The following SECISBP2 variants were observed in gnomAD, a reference collection of about 807,000 sequenced individuals.
SECISBP2 encodes SECIS binding protein 2, also known as selenocysteine insertion sequence-binding protein 2.
SECISBP2 carries 96 observed loss-of-function variants against 98.2 expected under a neutral mutation model. That is an observed-to-expected ratio of 0.98 (90% CI 0.83 to 1.16). The LOEUF (loss-of-function observed/expected upper bound fraction) is 1.16, where lower values mean the gene tolerates loss of function less well. Ranked by LOEUF, SECISBP2 falls within the 50% of genes most tolerant of loss-of-function variation. The pLI is 0.00. For missense variants in SECISBP2, 1,046 were observed against 1,022.9 expected, an observed-to-expected ratio of 1.02 and a Z score of -0.31; for synonymous variants, 407 against 370.2, an observed-to-expected ratio of 1.10 and a Z score of -1.14.
chr9:89,338,243 T>C (rs115686082), intron 7 of SECISBP2, among the ~76,000 whole-genome samples: 105 of 152,318 alleles, frequency 6.9e-4, no homozygotes, highest in African/African-American at 2.4e-3. Flanking sequence ...TCAAAAGGAA[T>C]TGGGCATTAC....
At chr9:89,353,431 TGC>T (rs1831587980) in intron 14 of SECISBP2, among the ~76,000 whole-genome samples, 1 of 152,172 alleles carries the variant, frequency 6.6e-6, no homozygotes, top group Non-Finnish European at 1.5e-5. Flanking sequence ...AGATGTGTGG[TGC>T]GTCATGTCCT....
At chr9:89,363,701 A>T (rs1244827666), downstream of SECISBP2, 1 of 1,598,624 alleles carries the variant, frequency 6.3e-7, no homozygotes, top group African/African-American at 1.3e-5. Context: ...GTGAAAAATT[A>T]CCTCATAAAA....
intron 5 of SECISBP2, among the ~76,000 whole-genome samples, chr9:89,331,084 T>C (rs117273292): frequency 0.019 from 2,861 of 152,300 alleles, 43 homozygotes; most frequent in Non-Finnish European, 0.029. Context: ...ACAAAAAATA[T>C]ATATATTTGT....
intron 14 of SECISBP2, among the ~76,000 whole-genome samples, chr9:89,354,316 A>G (rs1188990063): frequency 2.0e-5 from 3 of 152,244 alleles, no homozygotes; most frequent in Non-Finnish European, 2.9e-5. Context: ...GTGACTTACT[A>G]CAGTGAAAAG....
chr9:89,336,108 T>TTTTTTTTC (rs1554720204), intron 7 of SECISBP2, among the ~76,000 whole-genome samples: 1 of 133,570 alleles, frequency 7.5e-6, no homozygotes, highest in African/African-American at 2.7e-5. Flanking sequence ...TTTTTTTTTT[T>TTTTTTTTC]CACTGCAGCT....
intron 4 of SECISBP2, among the ~76,000 whole-genome samples, chr9:89,327,022 C>T (rs934213357): frequency 1.2e-4 from 18 of 151,996 alleles, no homozygotes; most frequent in African/African-American, 4.1e-4. Context: ...ATTAGCCTGG[C>T]GTGGTGGCGG....
chr9:89,345,613 G>A (rs1224785624), intron 10 of SECISBP2, among the ~76,000 whole-genome samples: 1 of 152,192 alleles, frequency 6.6e-6, no homozygotes, highest in Non-Finnish European at 1.5e-5. Context: ...TTCCTCTGTT[G>A]TAGGAAGGAC....
downstream of SECISBP2, chr9:89,362,192 A>C (rs117120897): frequency 4.2e-6 from 3 of 711,034 alleles, no homozygotes; most frequent in East Asian, 5.1e-5. Flanking sequence ...TTTAAGTCTT[A>C]GTTCCTGTCA....
rs548957632 is a variant in SECISBP2 at position 89,354,504 on chromosome 9, C to T, written c.2114-2907C>T. Reference sequence around the variant, plus strand: ...CCAGGGGTGCTCATTAGAGACTCAGCGCCTAGGGTTCTGTTGGGGGCCGGT... The same window carrying T: ...CCAGGGGTGCTCATTAGAGACTCAGTGCCTAGGGTTCTGTTGGGGGCCGGT... On this transcript the variant is annotated intron_variant, in intron 14 of 16. Transcript: ENST00000375807. Among the ~76,000 whole-genome samples, 15 of 152,276 alleles carry T rather than the reference C, an allele frequency of 9.9e-5. No homozygotes were observed. In the East Asian group the frequency reaches 2.1e-3, roughly 21 times the overall value.
intron 14 of SECISBP2, among the ~76,000 whole-genome samples, chr9:89,353,220 AGGTGC>A (rs1179003082): frequency 2.0e-5 from 3 of 152,176 alleles, no homozygotes; most frequent in Non-Finnish European, 4.4e-5. Flanking sequence ...GCAAGTTCCC[AGGTGC>A]TGTTGCTGCT....
At position 89,358,796 on chromosome 9, in the gene SECISBP2, C is replaced by T. The variant is rs1832502653; in HGVS notation, c.2537C>T (p.Thr846Ile). The change falls in exon 17 of 17, where the codon ACC becomes ATC. Residue 846 changes from threonine (T) to isoleucine (I), a missense_variant. Thr to Ile is a moderately conservative substitution (Grantham distance 89, BLOSUM62 -1). Coordinates refer to ENST00000375807, the MANE Select transcript of SECISBP2 (RefSeq NM_024077.5). ...CTAGAAGAATCCTTGGAGGCTTCAA[C>T]CTCTCAAATGATGAATTTGAATTTA... Reference protein sequence around the residue: ...LELEESLEASTSQMMNLNL With the variant: ...LELEESLEASISQMMNLNL The T allele has an allele frequency of 1.9e-6, 3 of 1,612,714 alleles. No homozygotes were observed. Among genetic ancestry groups the T allele is most frequent in the Non-Finnish European group, 8.5e-7 (1 of 1,178,702 alleles).
chr9:89,350,964 TTTC>T (rs2131995126), intron 14 of SECISBP2, 112 bp downstream of exon 14: 1 of 884,204 alleles, frequency 1.1e-6, no homozygotes, highest in Non-Finnish European at 1.9e-6. Flanking sequence ...GACAACTCGT[TTTC>T]TTTGTGGTTT....
In SECISBP2 at chr9:89,319,749, G is replaced by C; in HGVS notation, c.134G>C (p.Ser45Thr). Reference protein sequence around the residue: ...LESSEACVFPSSAATYYPFVQ... With the variant: ...LESSEACVFPTSAATYYPFVQ... ...TCCTCAGAAGCATGTGTCTTCCCCA[G>C]CTCTGCAGCCACATACTATCCGTTT... The change falls in exon 2 of 17, where the codon AGC (serine) becomes ACC (threonine). Residue 45 changes from serine to threonine, a missense_variant. Ser to Thr is a moderately conservative substitution (Grantham distance 58). Coordinates refer to ENST00000375807, the MANE Select transcript of SECISBP2 (RefSeq NM_024077.5). 1.2e-6 allele frequency: 2 copies of C among 1,614,134 alleles called. No individual in the cohort carries two copies. The highest frequency in any genetic ancestry group is 1.7e-6 in the Non-Finnish European group (2 of 1,180,010).
At chr9:89,318,749 G>A (rs1825143876) in intron 1 of SECISBP2, 137 bp downstream of exon 1, 1 of 1,229,774 alleles carries the variant, frequency 8.1e-7, no homozygotes, top group Non-Finnish European at 1.0e-6. Flanking sequence ...CGCCCTACCG[G>A]GTGGCCGCGA....
At chr9:89,354,965 A>G in intron 14 of SECISBP2, 2 of 985,394 alleles carry the variant, frequency 2.0e-6, no homozygotes, top group Middle Eastern at 5.2e-4. Context: ...CCCTTTTCCC[A>G]GCCCATCTGG....
downstream of SECISBP2, chr9:89,362,328 CG>C (rs2132161208): frequency 1.9e-6 from 3 of 1,613,488 alleles, no homozygotes; most frequent in Non-Finnish European, 2.5e-6. Context: ...AGGCCTTCTC[CG>C]GGGGTGGCTG....
At position 89,334,605 on chromosome 9, in the gene SECISBP2, A is replaced by C. The variant is rs568657651; in HGVS notation, c.964A>C (p.Met322Leu). The C allele has an allele frequency of 1.7e-5, 28 of 1,614,056 alleles. No individual in the cohort carries two copies. The highest frequency in any genetic ancestry group is 4.0e-5 in the African/African-American group (3 of 74,948). Residue 322 changes from methionine to leucine, a missense_variant, in exon 7 of 17, where the codon ATG (methionine) becomes CTG (leucine). By Grantham distance (15) the Met-to-Leu change is conservative. Transcript: ENST00000375807. ...AGCAGCCCCTAAAAATGTTACTTCTATGATAAACTTAAAGACCATTGCTTC... is the reference window on the plus strand; with the variant it reads ...AGCAGCCCCTAAAAATGTTACTTCTCTGATAAACTTAAAGACCATTGCTTC... ...LSAAPKNVTS[M>L]INLKTIASSA...
chr9:89,331,360 T>A lies in SECISBP2; in HGVS notation c.802-1548T>A, dbSNP rs111895180. On this transcript the variant is annotated intron_variant, in intron 5 of 16. Transcript: ENST00000375807. ...AATTTTTTATTGGCCTTGGTGAGCA[T>A]AAAAGTTATGTTTACTAAAAGAACA... Among the ~76,000 whole-genome samples the A allele has an allele frequency of 6.9e-3, 1,050 of 152,352 alleles. 15 individuals carry two copies. Among genetic ancestry groups the A allele is most frequent in the African/African-American group, 0.024 (995 of 41,586 alleles).
chr9:89,363,416 C>G (rs984081169), downstream of SECISBP2: 1 of 1,610,426 alleles, frequency 6.2e-7, no homozygotes, highest in South Asian at 1.1e-5. Flanking sequence ...CTTTGCCCGG[C>G]TGCGGCCACT....
Sources: allele counts gnomAD v4.1 joint callset (sites outside exome capture counted in the v4.1 genomes callset), GRCh38; gene constraint gnomAD v4.1.1; transcripts MANE v1.5; gene names NCBI Gene and HGNC (gene_info 2026-07-23, HGNC 2026-07-21).